The following HSD3B2 variants were observed in gnomAD, a reference collection of about 807,000 sequenced individuals.
HSD3B2 encodes the protein hydroxy-delta-5-steroid dehydrogenase, 3 beta- and steroid delta-isomerase 2.
In HSD3B2, 8 loss-of-function variants were observed where a neutral mutation model predicts 9.9. That is an observed-to-expected ratio of 0.81 (90% CI 0.47 to 1.46). The LOEUF (loss-of-function observed/expected upper bound fraction) is 1.46. Ranked by LOEUF, HSD3B2 falls within the 40% of genes most tolerant of loss-of-function variation. The pLI is 0.00. For synonymous variants in HSD3B2, 221 were observed against 184.5 expected, an observed-to-expected ratio of 1.20 and a Z score of -1.60; for missense variants, 410 against 448.3, an observed-to-expected ratio of 0.91 and a Z score of 0.77.
intron 2 of HSD3B2, among the ~76,000 whole-genome samples, chr1:119,417,654 T>A (rs1651747039): frequency 6.6e-6 from 1 of 152,150 alleles, no homozygotes; most frequent in Non-Finnish European, 1.5e-5. Context: ...GGCAGAGGCA[T>A]CAGAAGAGCA....
At chr1:119,418,626 ATTACTATT>A (rs1651774277) in intron 2 of HSD3B2, among the ~76,000 whole-genome samples, 2 of 85,866 alleles carry the variant, frequency 2.3e-5, no homozygotes, top group African/African-American at 9.9e-5. Flanking sequence ...TTTTATTATT[ATTACTATT>A]ATTATTATTA....
intron 2 of HSD3B2, among the ~76,000 whole-genome samples, chr1:119,417,883 A>C (rs1018425874): frequency 2.0e-5 from 3 of 152,186 alleles, no homozygotes; most frequent in African/African-American, 4.8e-5. Flanking sequence ...CCTTCACTAG[A>C]AAATTGACTT....
Position 119,421,872 on chromosome 1 carries a change from G to A in HSD3B2, c.371G>A (p.Ser124Asn). Residue 124 changes from serine (S) to asparagine (N), a missense_variant, in exon 4 of 4, where the codon AGC becomes AAC. Transcript: ENST00000369416. ...GTGCCAGTCTTCATCTACACCAGTA[G>A]CATAGAGGTAGCCGGGCCCAACTCC... is the stretch of plus-strand genomic sequence containing the variant. ...ASVPVFIYTS[S>N]IEVAGPNSYK... The A allele has an allele frequency of 1.2e-6, 2 of 1,613,980 alleles. No individual in the cohort carries two copies. Among genetic ancestry groups the A allele is most frequent in the Non-Finnish European group, 1.7e-6 (2 of 1,179,966 alleles).
chr1:119,421,946 A>G lies in HSD3B2; in HGVS notation c.445A>G (p.Thr149Ala). ...CCACGAAGAAGAGCCTCTGGAAAAC[A>G]CATGGCCCACTCCATACCCGTACAG... Reference protein sequence around the residue: ...NGHEEEPLENTWPTPYPYSKK... With the variant: ...NGHEEEPLENAWPTPYPYSKK... The change falls in exon 4 of 4, where the codon ACA becomes GCA. Residue 149 changes from threonine to alanine, a missense_variant. Thr to Ala is a moderately conservative substitution (Grantham distance 58). Transcript: ENST00000369416. The G allele has an allele frequency of 6.2e-7, 1 of 1,614,100 alleles. No individual in the cohort carries two copies. The highest frequency in any genetic ancestry group is 8.5e-7 in the Non-Finnish European group (1 of 1,180,002).
chr1:119,422,434 A>G lies in HSD3B2; in HGVS notation c.933A>G (p.Gln311=), dbSNP rs748116919. 6.2e-7 allele frequency: 1 copy of G among 1,612,998 alleles called. No homozygotes were observed. The highest frequency in any genetic ancestry group is 2.2e-5 in the East Asian group (1 of 44,838). ...SFLLSPIYSY[Q]PPFNRHTVTL... is the part of the protein sequence containing the mutation. ...TACTCAGCCCAATTTACTCCTATCA[A>G]CCCCCCTTCAACCGCCACACAGTCA... The change falls in exon 4 of 4, where the codon CAA becomes CAG. Residue 311 remains glutamine, a synonymous_variant. Transcript: ENST00000369416.
rs145137295 is a variant in HSD3B2, at chr1:119,422,473, T to C, written c.972T>C (p.Ser324=). The change falls in exon 4 of 4, where the codon AGT becomes AGC. Residue 324 remains serine (S), a synonymous_variant. Coordinates refer to ENST00000369416, the MANE Select transcript of HSD3B2 (RefSeq NM_000198.4). ...FNRHTVTLSN[S]VFTFSYKKAQ... ...GCCACACAGTCACATTATCAAATAG[T>C]GTGTTCACCTTCTCTTACAAGAAGG... is the stretch of plus-strand genomic sequence containing the variant. 4 of 1,613,898 alleles carry C rather than the reference T, an allele frequency of 2.5e-6. No individual in the cohort carries two copies. Among genetic ancestry groups the C allele is most frequent in the South Asian group, 1.1e-5 (1 of 91,078 alleles).
intron 2 of HSD3B2, among the ~76,000 whole-genome samples, chr1:119,418,479 G>A (rs1281115779): frequency 6.6e-6 from 1 of 151,988 alleles, no homozygotes; most frequent in East Asian, 1.9e-4. Flanking sequence ...CCTGGTTCCA[G>A]TCCTCATCTA....
At chr1:119,419,020 AT>A (rs1465833670) in intron 2 of HSD3B2, among the ~76,000 whole-genome samples, 1 of 152,126 alleles carries the variant, frequency 6.6e-6, no homozygotes, top group Non-Finnish European at 1.5e-5. Flanking sequence ...CAAAATCATA[AT>A]TCTATACATG....
chr1:119,416,657 T>G (rs1411462811), intron 2 of HSD3B2, among the ~76,000 whole-genome samples: 1 of 152,176 alleles, frequency 6.6e-6, no homozygotes, highest in Non-Finnish European at 1.5e-5. Flanking sequence ...GAACTATGTA[T>G]CTTCTTCATG....
rs1426819559 is a variant in HSD3B2, at chr1:119,422,712, C to A, written c.*92C>A. The A allele has an allele frequency of 1.4e-6, 2 of 1,451,982 alleles. No individual in the cohort carries two copies. Among genetic ancestry groups the A allele is most frequent in the Non-Finnish European group, 1.9e-6 (2 of 1,050,068 alleles). The allele number at this position is 1,451,982 out of a possible 1,614,324, so 89.9% of individuals were successfully genotyped here. A position where few individuals can be genotyped will look rare whatever the true frequency, so the allele number is the denominator to read the frequency against. ...CTTCATACAGAAGGCAACAGGGGCA[C>A]AAGCCCAGGTCCTGCTGCCTCTCTT... On this transcript the variant is annotated 3_prime_UTR_variant, in exon 4 of 4. Transcript: ENST00000369416.
intron 3 of HSD3B2, 195 bp downstream of exon 3, chr1:119,419,777 C>T: frequency 3.2e-6 from 2 of 617,530 alleles, no homozygotes; most frequent in East Asian, 2.9e-5. Flanking sequence ...GGCTGAGAGA[C>T]AGCAAGTAAC....
rs759161114 is a variant in HSD3B2 at position 119,422,652 on chromosome 1, T to C, written c.*32T>C. 1 of 1,611,272 alleles carries C rather than the reference T, an allele frequency of 6.2e-7. No homozygotes were observed. Among genetic ancestry groups the C allele is most frequent in the African/African-American group, 1.3e-5 (1 of 74,854 alleles). ...GATGACAGAGATGTGCATGTGGGTA[T>C]TGTTAGGAAATGTCATCAAACTCCA... On this transcript the variant is annotated 3_prime_UTR_variant, in exon 4 of 4. Coordinates refer to ENST00000369416, the MANE Select transcript of HSD3B2 (RefSeq NM_000198.4).
At chr1:119,417,731 C>G (rs1006120145) in intron 2 of HSD3B2, among the ~76,000 whole-genome samples, 1 of 152,194 alleles carries the variant, frequency 6.6e-6, no homozygotes, top group Admixed American at 6.5e-5. Flanking sequence ...GAATTTCGCT[C>G]TCACTGTTCT....
In HSD3B2 at chr1:119,419,231, A is replaced by G. The variant is rs587736722; in HGVS notation, c.143-187A>G. 1.3e-4 allele frequency among the ~76,000 whole-genome samples: 20 copies of G among 152,296 alleles called. No individual in the cohort carries two copies. The South Asian group carries it at 4.1e-3, about 32-fold the overall frequency. The stretch of plus-strand genomic sequence containing the variant: ...TAGAAACAGATGTTTGCTCTTTCCC[A>G]ATAAACTGCTACACATGCTGATTTC... On this transcript the variant is annotated intron_variant, in intron 2 of 3. Coordinates refer to ENST00000369416, the MANE Select transcript of HSD3B2 (RefSeq NM_000198.4).
chr1:119,422,461 A>C lies in HSD3B2; in HGVS notation c.960A>C (p.Thr320=), dbSNP rs34412477. The C allele has an allele frequency of 5.0e-4, 799 of 1,614,042 alleles. 1 individual carries two copies. The highest frequency in any genetic ancestry group is 5.6e-4 in the Non-Finnish European group (661 of 1,179,984). The change falls in exon 4 of 4, where the codon ACA becomes ACC. Residue 320 remains threonine (T), a synonymous_variant. Coordinates refer to ENST00000369416, the MANE Select transcript of HSD3B2 (RefSeq NM_000198.4). The stretch of plus-strand genomic sequence containing the variant: ...CCCCCTTCAACCGCCACACAGTCAC[A>C]TTATCAAATAGTGTGTTCACCTTCT... ...YQPPFNRHTV[T]LSNSVFTFSY...
At position 119,421,795 on chromosome 1, in the gene HSD3B2, C is replaced by A. The variant is rs750286630; in HGVS notation, c.308-14C>A. The A allele has an allele frequency of 2.0e-5, 33 of 1,613,338 alleles. No individual in the cohort carries two copies. Among genetic ancestry groups the A allele is most frequent in the Admixed American group, 1.2e-4 (7 of 59,958 alleles). On this transcript the variant is annotated splice_polypyrimidine_tract_variant and intron_variant, in intron 3 of 3. Coordinates refer to ENST00000369416, the MANE Select transcript of HSD3B2 (RefSeq NM_000198.4). ...GATATTTCCTGACACTGTCATCATG[C>A]TCTTCGTGGGCAGGTACCCAGCTAC...
At chr1:119,415,704 G>A in intron 2 of HSD3B2, 143 bp downstream of exon 2, 1 of 900,218 alleles carries the variant, frequency 1.1e-6, no homozygotes. Flanking sequence ...AAAGGAAATA[G>A]AATAAAATGG....
chr1:119,422,520 A>C lies in HSD3B2; in HGVS notation c.1019A>C (p.Lys340Thr). The change falls in exon 4 of 4, where the codon AAG becomes ACG. Residue 340 changes from lysine to threonine, a missense_variant. Physicochemically the swap from Lys to Thr is moderately conservative, Grantham distance 78. Transcript: ENST00000369416. ...AAGGCTCAGCGAGATCTGGCGTATA[A>C]GCCACTCTACAGCTGGGAGGAAGCC... Reference protein sequence around the residue: ...YKKAQRDLAYKPLYSWEEAKQ... With the variant: ...YKKAQRDLAYTPLYSWEEAKQ... The C allele has an allele frequency of 6.2e-7, 1 of 1,614,058 alleles. No homozygotes were observed.
intron 3 of HSD3B2, among the ~76,000 whole-genome samples, chr1:119,420,435 A>G (rs977515369): frequency 1.3e-5 from 2 of 152,032 alleles, no homozygotes; most frequent in African/African-American, 4.8e-5. Flanking sequence ...CAAAAAAAAA[A>G]CCTTTCCAGT....
Sources: gnomAD v4.1 joint callset for allele counts (sites outside exome capture counted in the v4.1 genomes callset) on GRCh38, gnomAD v4.1.1 for gene constraint, MANE v1.5 for transcripts, NCBI Gene and HGNC (gene_info 2026-07-23, HGNC 2026-07-21) for gene names.